PTCD3: variants seen among roughly 807,000 people sequenced by gnomAD.
The protein encoded by PTCD3 is pentatricopeptide repeat domain 3.
A neutral mutation model predicts 101.9 loss-of-function variants in PTCD3; 89 were observed. The observed-to-expected ratio is 0.87, with a 90% CI of 0.74 to 1.04. The LOEUF is 1.04. Ranked by LOEUF, PTCD3 falls within the 50% of genes least tolerant of loss-of-function variation. The probability of loss-of-function intolerance (pLI) is 0.00; values close to 1 mark genes in which losing one functional copy is unlikely to be tolerated. For synonymous variants in PTCD3, 296 were observed against 278.5 expected, an observed-to-expected ratio of 1.06 and a Z score of -0.63; for missense variants, 870 against 828.2, an observed-to-expected ratio of 1.05 and a Z score of -0.62.
At chr2:86,117,847 G>C (rs1210401158) in intron 6 of PTCD3, among the ~76,000 whole-genome samples, 1 of 152,132 alleles carries the variant, frequency 6.6e-6, no homozygotes, top group Non-Finnish European at 1.5e-5. Flanking sequence ...CACGATCTTG[G>C]CTCACTGCAG....
At chr2:86,123,287 A>C (rs1674327611) in intron 8 of PTCD3, among the ~76,000 whole-genome samples, 1 of 150,398 alleles carries the variant, frequency 6.6e-6, no homozygotes, top group Admixed American at 6.6e-5. Context: ...AAGAAGTCTT[A>C]GTTTGCTTGG....
At chr2:86,121,682 T>G in intron 8 of PTCD3, 88 bp downstream of exon 8, 1 of 782,750 alleles carries the variant, frequency 1.3e-6, no homozygotes, top group Non-Finnish European at 2.1e-6. Flanking sequence ...TGTTTTGCCA[T>G]GTGTCAGGGT....
chr2:86,121,692 T>TA (rs1674285178), intron 8 of PTCD3, 98 bp downstream of exon 8: 1 of 712,032 alleles, frequency 1.4e-6, no homozygotes, highest in South Asian at 1.9e-5. Flanking sequence ...TGTGTCAGGG[T>TA]AGTAGAGATT....
intron 3 of PTCD3, among the ~76,000 whole-genome samples, chr2:86,109,103 T>C (rs1674025537): frequency 6.6e-6 from 1 of 151,786 alleles, no homozygotes; most frequent in Middle Eastern, 3.2e-3. Flanking sequence ...CTTAAAATTA[T>C]GTGACCTAAA....
intron 3 of PTCD3, among the ~76,000 whole-genome samples, chr2:86,110,134 A>G (rs1428755132): frequency 6.6e-6 from 1 of 152,208 alleles, no homozygotes; most frequent in Admixed American, 6.5e-5. Flanking sequence ...TTTCACTGCC[A>G]TTTGTTCAAT....
In PTCD3 at chr2:86,140,890, G is replaced by C. The variant is rs1674672202; in HGVS notation, c.*3331G>C. The C allele has an allele frequency of 8.4e-6, 1 of 118,614 alleles. No individual in the cohort carries two copies. The highest frequency in any genetic ancestry group is 1.0e-4 in the Admixed American group (1 of 9,692). 7.3% of individuals were successfully genotyped at this position (118,614 alleles called of 1,614,324 possible). Reference sequence around the variant, plus strand: ...GTTCAAGACCAGCCTGAGCAACACAGTGAAAACCCATCTCAAAAAAAAAAA... The same window carrying C: ...GTTCAAGACCAGCCTGAGCAACACACTGAAAACCCATCTCAAAAAAAAAAA... On this transcript the variant is annotated 3_prime_UTR_variant, in exon 24 of 24. Transcript: ENST00000254630.
In PTCD3 at chr2:86,138,657, A is replaced by G. The variant is rs1237607926; in HGVS notation, c.*1098A>G. The G allele has an allele frequency of 7.2e-6, 1 of 139,230 alleles. No homozygotes were observed. The highest frequency in any genetic ancestry group is 1.6e-5 in the Non-Finnish European group (1 of 64,410). The allele number at this position is 139,230 out of a possible 1,614,324, so 8.6% of individuals were successfully genotyped here. On this transcript the variant is annotated 3_prime_UTR_variant, in exon 24 of 24. Coordinates refer to ENST00000254630, the MANE Select transcript of PTCD3 (RefSeq NM_017952.6). ...GTTTTCTCTTGGAATGTCAGGTCTT[A>G]AGGCATTTAATTGAGGGACAAAAAA...
At chr2:86,121,452 C>CT (rs778964677) in intron 7 of PTCD3, 27 bp from the exon 8 acceptor site, 1 of 1,426,178 alleles carries the variant, frequency 7.0e-7, no homozygotes, top group Non-Finnish European at 9.7e-7. Context: ...TTCAAGGTTT[C>CT]TTTATCTTTC....
intron 10 of PTCD3, 29 bp downstream of exon 10, chr2:86,125,111 T>C (rs774924739): frequency 2.6e-5 from 42 of 1,610,748 alleles, no homozygotes; most frequent in Non-Finnish European, 3.5e-5. Context: ...TTTTTGTCTT[T>C]CATTTCCACC....
In PTCD3 at chr2:86,128,003, C is replaced by G. The variant is rs1674427005; in HGVS notation, c.1147+12C>G. The G allele has an allele frequency of 3.2e-6, 5 of 1,584,780 alleles. No individual in the cohort carries two copies. The highest frequency in any genetic ancestry group is 4.3e-6 in the Non-Finnish European group (5 of 1,153,990). On this transcript the variant is annotated intron_variant, in intron 14 of 23. Transcript: ENST00000254630. ...GTTTGATCAACCTGGTATGTATGGC[C>G]TTAAATTGTGTTAATTTATATAGAA...
At chr2:86,136,736 GA>G in intron 22 of PTCD3, 174 bp downstream of exon 22, 2 of 807,594 alleles carry the variant, frequency 2.5e-6, no homozygotes, top group Non-Finnish European at 4.0e-6. Context: ...TGTGTTGACG[GA>G]TCATCATACA....
At chr2:86,107,076 G>A (rs2367201) in intron 1 of PTCD3, 373,489 of 469,298 alleles carry the variant, frequency 0.8, 152,253 homozygotes, top group Non-Finnish European at 0.85. Flanking sequence ...TATAAGTGGG[G>A]TATGTAATTT....
chr2:86,130,893 ATAT>A lies in PTCD3; in HGVS notation c.1237+158_1237+160del, dbSNP rs1674484053. On this transcript the variant is annotated intron_variant, in intron 15 of 23. Coordinates refer to ENST00000254630, the MANE Select transcript of PTCD3 (RefSeq NM_017952.6). ...CATAGTAGGTGTATATAGCTTAGTA[ATAT>A]TTGCCATGGTCTTTCTGAGAAAGCC... 2.1e-6 allele frequency: 3 copies of A among 1,451,028 alleles called. No homozygotes were observed. The South Asian group carries it at 4.2e-5, about 20-fold the overall frequency. 89.9% of individuals were successfully genotyped at this position (1,451,028 alleles called of 1,614,324 possible).
At chr2:86,130,515 C>G in intron 14 of PTCD3, 133 bp from the exon 15 acceptor site, 1 of 1,364,018 alleles carries the variant, frequency 7.3e-7, no homozygotes, top group Non-Finnish European at 9.6e-7. Flanking sequence ...CAAGCATTGG[C>G]CTCCACCCAG....
chr2:86,124,916 A>C (rs940718643), intron 9 of PTCD3, 79 bp from the exon 10 acceptor site: 2 of 1,558,906 alleles, frequency 1.3e-6, no homozygotes, highest in Non-Finnish European at 8.7e-7. Context: ...CCTAGAACAT[A>C]ATAAACCGTC....
At chr2:86,128,802 C>T (rs910459816) in intron 14 of PTCD3, among the ~76,000 whole-genome samples, 2 of 152,114 alleles carry the variant, frequency 1.3e-5, no homozygotes, top group South Asian at 2.1e-4. Flanking sequence ...TATGTCAAAG[C>T]GACTAGATAC....
chr2:86,123,687 A>T lies in PTCD3; in HGVS notation c.655-14A>T, dbSNP rs754933842. ...GCCTTAACTTTTATTTCTTTTGATG[A>T]TTATTCATTTCAGGAAGAGGAAAAT... On this transcript the variant is annotated splice_polypyrimidine_tract_variant and intron_variant, in intron 8 of 23. Coordinates refer to ENST00000254630, the MANE Select transcript of PTCD3 (RefSeq NM_017952.6). 6.4e-7 allele frequency: 1 copy of T among 1,574,696 alleles called. No homozygotes were observed. Among genetic ancestry groups the T allele is most frequent in the Non-Finnish European group, 8.6e-7 (1 of 1,160,856 alleles).
chr2:86,111,033 A>G (rs768700027), intron 3 of PTCD3, 80 bp from the exon 4 acceptor site: 7 of 1,267,408 alleles, frequency 5.5e-6, no homozygotes, highest in Non-Finnish European at 8.1e-6. Context: ...ATTGGCCAGT[A>G]CACTGAGAGT....
At chr2:86,106,644 G>A (rs865964452) in intron 1 of PTCD3, among the ~76,000 whole-genome samples, 2 of 152,280 alleles carry the variant, frequency 1.3e-5, no homozygotes, top group Middle Eastern at 6.8e-3. Context: ...GTGGCTATTA[G>A]CAACACTACC....
Sources: allele counts gnomAD v4.1 joint callset (sites outside exome capture counted in the v4.1 genomes callset), GRCh38; gene constraint gnomAD v4.1.1; transcripts MANE v1.5; gene names NCBI Gene and HGNC (gene_info 2026-07-23, HGNC 2026-07-21).